Variants in RANBP17 observed in about 807,000 individuals in gnomAD.
RANBP17 encodes the protein ran-binding protein 17.
A neutral mutation model predicts 141.2 loss-of-function variants in RANBP17; 158 were observed. The ratio of observed to expected loss-of-function variants is 1.12; its 90% CI spans 0.98 to 1.28. The LOEUF (loss-of-function observed/expected upper bound fraction) is 1.28, where lower values mean the gene tolerates loss of function less well. Among genes scored for constraint, RANBP17 ranks in the 50% most tolerant of loss-of-function variants. The pLI is 0.00. For synonymous variants in RANBP17, 430 were observed against 450.0 expected (o/e 0.96, Z 0.56); for missense variants, 1,438 against 1,290.7 (o/e 1.11, Z -1.75).
At chr5:171,144,988 G>A (rs771680628) in intron 14 of RANBP17, among the ~76,000 whole-genome samples, 41 of 152,214 alleles carry the variant, frequency 2.7e-4, no homozygotes, top group Non-Finnish European at 4.1e-4. Flanking sequence ...TTTATATTTC[G>A]CTTGGCTATT....
Position 171,257,917 on chromosome 5 carries a change from C to G in RANBP17, c.2777-7764C>G, listed in dbSNP as rs916361620. On this transcript the variant is annotated intron_variant, in intron 24 of 27. Transcript: ENST00000523189. Reference sequence around the variant, plus strand: ...GGTCGGGAGTTCAAGACCAGCCTGACCAACATGGAGAAACCCCGCCTCTAC... The same window carrying G: ...GGTCGGGAGTTCAAGACCAGCCTGAGCAACATGGAGAAACCCCGCCTCTAC... 2.6e-5 allele frequency among the ~76,000 whole-genome samples: 4 copies of G among 151,968 alleles called. No homozygotes were observed. The South Asian group carries it at 8.3e-4, about 32-fold the overall frequency.
At chr5:170,904,070 C>T in intron 5 of RANBP17, 3 of 448,174 alleles carry the variant, frequency 6.7e-6, no homozygotes, top group South Asian at 6.0e-5. Flanking sequence ...GTCTTTACCT[C>T]ACCTGTGTGC....
intron 20 of RANBP17, chr5:171,207,963 A>G (rs1762675172): frequency 2.6e-5 from 4 of 151,790 alleles, no homozygotes; most frequent in African/African-American, 9.7e-5. Flanking sequence ...GCAAAAATGA[A>G]TAAGTATGAT....
At chr5:171,171,507 T>C (rs960311874) in intron 16 of RANBP17, among the ~76,000 whole-genome samples, 1 of 152,074 alleles carries the variant, frequency 6.6e-6, no homozygotes, top group East Asian at 1.9e-4. Context: ...TATGGACATA[T>C]AGATTCCTAA....
chr5:171,213,689 A>G lies in RANBP17; in HGVS notation c.2290A>G (p.Thr764Ala), dbSNP rs757489150. 56 of 1,613,772 alleles carry G rather than the reference A, an allele frequency of 3.5e-5. No individual in the cohort carries two copies. Among genetic ancestry groups the G allele is most frequent in the African/African-American group, 4.0e-5 (3 of 74,916 alleles). The change falls in exon 21 of 28, where the codon ACA becomes GCA. Residue 764 changes from threonine (T) to alanine (A), a missense_variant. Physicochemically the swap from Thr to Ala is moderately conservative, Grantham distance 58. Transcript: ENST00000523189. ...TGTTGAACGGTGGTATGGAGAGCCAACATGTACAACTCCCATCTTGAAACT... is the reference window on the plus strand; with the variant it reads ...TGTTGAACGGTGGTATGGAGAGCCAGCATGTACAACTCCCATCTTGAAACT... ...NAVERWYGEP[T>A]CTTPILKLMA...
chr5:171,185,112 G>A (rs1256623967), intron 18 of RANBP17, among the ~76,000 whole-genome samples: 1 of 152,122 alleles, frequency 6.6e-6, no homozygotes, highest in Non-Finnish European at 1.5e-5. Flanking sequence ...GCAGTGAGTC[G>A]ACATCGTGCC....
In RANBP17 at chr5:171,131,556, G is replaced by A. The variant is rs373716010; in HGVS notation, c.1711-38574G>A. 2.6e-5 allele frequency among the ~76,000 whole-genome samples: 4 copies of A among 152,344 alleles called. No homozygotes were observed. The East Asian group carries it at 7.7e-4, about 29-fold the overall frequency. ...TAGGCAAGGATTGTCTACAGTGCAA[G>A]TGTAAAGAGACCCACTCATAAGAAT... is the stretch of plus-strand genomic sequence containing the variant. On this transcript the variant is annotated intron_variant, in intron 14 of 27. Transcript: ENST00000523189.
intron 26 of RANBP17, among the ~76,000 whole-genome samples, chr5:171,294,837 T>C (rs1182824661): frequency 1.3e-5 from 2 of 152,212 alleles, no homozygotes; most frequent in African/African-American, 4.8e-5. Context: ...ATTCAGTGTT[T>C]AGAAAAAGCT....
At chr5:171,068,399 C>G (rs919430206) in intron 14 of RANBP17, among the ~76,000 whole-genome samples, 5 of 152,114 alleles carry the variant, frequency 3.3e-5, no homozygotes, top group African/African-American at 1.2e-4. Flanking sequence ...GTATGGGCTT[C>G]CCTCAGAAAT....
In RANBP17 at chr5:170,979,058, T is replaced by C. The variant is rs1033110383; in HGVS notation, c.1710+10681T>C. Among the ~76,000 whole-genome samples, 4 of 152,172 alleles carry C rather than the reference T, an allele frequency of 2.6e-5. No individual in the cohort carries two copies. The South Asian group carries it at 8.3e-4, about 31-fold the overall frequency. On this transcript the variant is annotated intron_variant, in intron 14 of 27. Coordinates refer to ENST00000523189, the MANE Select transcript of RANBP17 (RefSeq NM_022897.5). The stretch of plus-strand genomic sequence containing the variant: ...CACAATATGGTATGAAAAAAAGTCA[T>C]ACAAGGACACAAATGACATTCCTAT...
At chr5:170,959,823 C>T (rs1316182951) in intron 13 of RANBP17, among the ~76,000 whole-genome samples, 1 of 152,112 alleles carries the variant, frequency 6.6e-6, no homozygotes, top group African/African-American at 2.4e-5. Flanking sequence ...GGTCTTTATC[C>T]TCTTCATCTT....
At chr5:171,112,263 C>A (rs1285971689) in intron 14 of RANBP17, among the ~76,000 whole-genome samples, 1 of 152,026 alleles carries the variant, frequency 6.6e-6, no homozygotes, top group African/African-American at 2.4e-5. Flanking sequence ...TTGACAAAGC[C>A]AAGAAGGGCC....
chr5:171,200,118 A>T (rs1470254897), intron 19 of RANBP17, among the ~76,000 whole-genome samples: 1 of 152,170 alleles, frequency 6.6e-6, no homozygotes, highest in Non-Finnish European at 1.5e-5. Flanking sequence ...ACAGATCTAT[A>T]TGGAGGAATG....
chr5:171,097,905 T>G (rs1341294665), intron 14 of RANBP17, among the ~76,000 whole-genome samples: 2 of 151,898 alleles, frequency 1.3e-5, no homozygotes, highest in African/African-American at 2.4e-5. Context: ...TCTGTTTCTG[T>G]GTTAGTTTGC....
At chr5:170,959,754 T>G (rs1386623260) in intron 13 of RANBP17, among the ~76,000 whole-genome samples, 2 of 152,348 alleles carry the variant, frequency 1.3e-5, no homozygotes, top group East Asian at 3.9e-4. Flanking sequence ...AAAATGTTAC[T>G]AAGAAAACCA....
At chr5:171,182,930 A>G (rs1224763968) in intron 16 of RANBP17, among the ~76,000 whole-genome samples, 3 of 152,212 alleles carry the variant, frequency 2.0e-5, no homozygotes, top group African/African-American at 7.2e-5. Context: ...TCTTAATTAT[A>G]AAATTCATTC....
intron 14 of RANBP17, among the ~76,000 whole-genome samples, chr5:171,072,478 ATAGG>A (rs976622384): frequency 2.0e-5 from 3 of 152,134 alleles, no homozygotes; most frequent in African/African-American, 7.2e-5. Context: ...AAAGATCTGA[ATAGG>A]TACTTCTCCA....
chr5:170,910,018 C>A (rs1771406234), intron 6 of RANBP17: 1 of 275,090 alleles, frequency 3.6e-6, no homozygotes, highest in Admixed American at 5.3e-5. Context: ...CATTGCCTTC[C>A]CAGTGTAGAT....
intron 14 of RANBP17, chr5:170,970,378 G>A (rs1776899552): frequency 6.6e-6 from 1 of 152,020 alleles, no homozygotes; most frequent in African/African-American, 2.4e-5. Context: ...ATTGTATCAT[G>A]TAGAGTATGA....
Sources: gnomAD v4.1 joint callset for allele counts (sites outside exome capture counted in the v4.1 genomes callset) on GRCh38, gnomAD v4.1.1 for gene constraint, MANE v1.5 for transcripts, NCBI Gene and HGNC (gene_info 2026-07-23, HGNC 2026-07-21) for gene names.